Variants in GPHN observed in about 807,000 individuals in gnomAD.
GPHN encodes gephyrin.
GPHN carries 17 observed loss-of-function variants against 95.5 expected under a neutral mutation model. The ratio of observed to expected loss-of-function variants is 0.18; its 90% confidence interval spans 0.12 to 0.27. GPHN has a LOEUF of 0.27. Among genes scored for constraint, GPHN ranks in the 10% least tolerant of loss-of-function variants. The probability of loss-of-function intolerance (pLI) is 1.00; values close to 1 mark genes in which losing one functional copy is unlikely to be tolerated. For missense variants in GPHN, 660 were observed against 978.1 expected (o/e 0.67, Z 4.34); for synonymous variants, 320 against 322.5 (o/e 0.99, Z 0.08).
intron 1 of GPHN, among the ~76,000 whole-genome samples, chr14:66,643,529 A>G (rs2064559130): frequency 6.6e-6 from 1 of 152,138 alleles, no homozygotes; most frequent in South Asian, 2.1e-4. Flanking sequence ...CATTCATAGC[A>G]TGGTATACTG....
intron 1 of GPHN, among the ~76,000 whole-genome samples, chr14:66,573,372 G>T (rs2060773952): frequency 6.6e-6 from 1 of 151,514 alleles, no homozygotes; most frequent in South Asian, 2.1e-4. Flanking sequence ...TATTTAGGTG[G>T]TCTGATGTTG....
the GPHN span, among the ~76,000 whole-genome samples, chr14:67,627,851 C>T: frequency 6.6e-6 from 1 of 152,136 alleles, no homozygotes; most frequent in African/African-American, 2.4e-5. Flanking sequence ...AAAGTCTTTG[C>T]CTAGGGTCTG....
chr14:67,242,670 A>G, the GPHN span, among the ~76,000 whole-genome samples: 1 of 151,102 alleles, frequency 6.6e-6, no homozygotes, highest in Non-Finnish European at 1.5e-5. Context: ...GCTATTGTGG[A>G]TAGGTTTTAT....
chr14:66,735,395 A>G (rs1022788269), intron 2 of GPHN, among the ~76,000 whole-genome samples: 2 of 152,230 alleles, frequency 1.3e-5, no homozygotes, highest in African/African-American at 4.8e-5. Flanking sequence ...GGAGGGCAAC[A>G]GTATCCAATA....
the GPHN span, among the ~76,000 whole-genome samples, chr14:67,527,274 C>T: frequency 6.6e-6 from 1 of 152,164 alleles, no homozygotes; most frequent in African/African-American, 2.4e-5. Context: ...TCTTCGTGAG[C>T]CTCAGTCTAT....
At chr14:66,529,780 A>T (rs934011111) in intron 1 of GPHN, among the ~76,000 whole-genome samples, 1 of 152,128 alleles carries the variant, frequency 6.6e-6, no homozygotes. Flanking sequence ...CTCTTTGCAT[A>T]GGTATCACCA....
intron 11 of GPHN, among the ~76,000 whole-genome samples, chr14:67,063,960 C>A (rs941726664): frequency 6.6e-6 from 1 of 152,134 alleles, no homozygotes; most frequent in African/African-American, 2.4e-5. Flanking sequence ...CCAGAACTTC[C>A]AACACCATGT....
intron 2 of GPHN, among the ~76,000 whole-genome samples, chr14:66,764,143 A>G (rs2153454554): frequency 6.6e-6 from 1 of 152,322 alleles, no homozygotes; most frequent in African/African-American, 2.4e-5. Context: ...TCATCACAAA[A>G]CCATGCCCCC....
At chr14:67,523,332 A>G in the GPHN span, among the ~76,000 whole-genome samples, 1 of 152,198 alleles carries the variant, frequency 6.6e-6, no homozygotes, top group Admixed American at 6.5e-5. Context: ...CAAAAAAAAA[A>G]AAAAGAAAAG....
intron 2 of GPHN, among the ~76,000 whole-genome samples, chr14:66,730,612 C>T (rs1381966767): frequency 2.0e-5 from 3 of 152,000 alleles, no homozygotes; most frequent in African/African-American, 4.8e-5. Flanking sequence ...AGTTATACAT[C>T]GTTTTTTAAA....
At chr14:66,747,946 A>T (rs1035625678) in intron 2 of GPHN, among the ~76,000 whole-genome samples, 5 of 152,050 alleles carry the variant, frequency 3.3e-5, no homozygotes, top group African/African-American at 1.2e-4. Context: ...CTACATATCT[A>T]CTCCTATTTC....
At chr14:67,513,455 C>T in the GPHN span, among the ~76,000 whole-genome samples, 1 of 152,198 alleles carries the variant, frequency 6.6e-6, no homozygotes, top group East Asian at 1.9e-4. Flanking sequence ...GGTCCTGGAA[C>T]CTCCGTTGCT....
intron 9 of GPHN, among the ~76,000 whole-genome samples, chr14:66,985,103 T>C (rs370254614): frequency 1.2e-4 from 18 of 152,118 alleles, no homozygotes; most frequent in African/African-American, 4.3e-4. Flanking sequence ...ATATCTAACA[T>C]TGGTCTGGCA....
chr14:66,948,813 T>C (rs1450751107), intron 8 of GPHN, among the ~76,000 whole-genome samples: 1 of 152,158 alleles, frequency 6.6e-6, no homozygotes, highest in Admixed American at 6.5e-5. Context: ...TGGGAGGTTG[T>C]TTGTTTGTTT....
At chr14:67,206,315 T>G in the GPHN span, among the ~76,000 whole-genome samples, 1 of 151,988 alleles carries the variant, frequency 6.6e-6, no homozygotes, top group Non-Finnish European at 1.5e-5. Context: ...CTGGCCAACA[T>G]GGCAAAACCC....
chr14:66,887,673 C>T (rs966682642), intron 5 of GPHN, among the ~76,000 whole-genome samples: 1 of 152,158 alleles, frequency 6.6e-6, no homozygotes, highest in Middle Eastern at 3.2e-3. Flanking sequence ...ACAGCAGTTC[C>T]TTTTACCTGG....
intron 10 of GPHN, among the ~76,000 whole-genome samples, chr14:67,053,416 A>G (rs188340063): frequency 9.8e-5 from 15 of 152,298 alleles, no homozygotes; most frequent in African/African-American, 3.6e-4. Flanking sequence ...AGAACCAGGA[A>G]GAAGTTGAAT....
intron 2 of GPHN, among the ~76,000 whole-genome samples, chr14:66,697,602 A>G (rs2068186722): frequency 6.6e-6 from 1 of 150,506 alleles, no homozygotes; most frequent in South Asian, 2.1e-4. Context: ...ATTTAAAAGT[A>G]TGGTCTAATC....
chr14:66,850,431 A>AT (rs369305360), intron 4 of GPHN, among the ~76,000 whole-genome samples: 5 of 151,100 alleles, frequency 3.3e-5, no homozygotes, highest in East Asian at 1.9e-4. Flanking sequence ...AAGAGAACCT[A>AT]TTTTTTTTTA....
Sources: gnomAD v4.1 joint callset for allele counts (sites outside exome capture counted in the v4.1 genomes callset) on GRCh38, gnomAD v4.1.1 for gene constraint, MANE v1.5 for transcripts, NCBI Gene and HGNC (gene_info 2026-07-23, HGNC 2026-07-21) for gene names.